Variants in ARL13B observed in about 807,000 individuals in gnomAD.
The protein encoded by ARL13B is ADP-ribosylation factor-like protein 13B.
In ARL13B, 36 loss-of-function variants were observed where a neutral mutation model predicts 56.1. The ratio of observed to expected loss-of-function variants is 0.64; its 90% CI spans 0.49 to 0.85. The LOEUF is 0.85. Ranked by LOEUF, ARL13B falls within the 40% of genes least tolerant of loss-of-function variation. The pLI is 0.00. For synonymous variants in ARL13B, 178 were observed against 171.1 expected (o/e 1.04, Z -0.32); for missense variants, 519 against 507.1 (o/e 1.02, Z -0.23).
rs2076087282 is a variant in ARL13B at position 94,003,600 on chromosome 3, A to C, written c.131-59A>C. 2.5e-6 allele frequency: 4 copies of C among 1,582,414 alleles called. No homozygotes were observed. The East Asian group carries it at 6.7e-5, about 27-fold the overall frequency. The stretch of plus-strand genomic sequence containing the variant: ...TTGGGTGCTAAAATTTTAGTTGAAA[A>C]ATTAACGTTGTCAATTAAAGTCTAA... On this transcript the variant is annotated intron_variant, in intron 2 of 9. Coordinates refer to ENST00000394222, the MANE Select transcript of ARL13B (RefSeq NM_001174150.2).
intron 2 of ARL13B, among the ~76,000 whole-genome samples, chr3:94,000,820 A>G (rs2076043375): frequency 6.6e-6 from 1 of 152,142 alleles, no homozygotes; most frequent in Admixed American, 6.6e-5. Context: ...GTCTTACCAC[A>G]TATACTCTAC....
intron 3 of ARL13B, among the ~76,000 whole-genome samples, chr3:94,029,964 T>TA (rs1199645270): frequency 6.6e-6 from 1 of 152,194 alleles, no homozygotes; most frequent in Non-Finnish European, 1.5e-5. Context: ...GAAGGGTAGA[T>TA]ATAAATATTG....
chr3:94,044,878 C>A (rs2076953822), intron 7 of ARL13B, among the ~76,000 whole-genome samples: 1 of 146,926 alleles, frequency 6.8e-6, no homozygotes, highest in East Asian at 2.1e-4. Flanking sequence ...GCCTGCCCGC[C>A]CCTCGTCGGG....
At chr3:94,013,672 A>G (rs901365776) in intron 3 of ARL13B, among the ~76,000 whole-genome samples, 2 of 152,212 alleles carry the variant, frequency 1.3e-5, no homozygotes, top group African/African-American at 2.4e-5. Context: ...AGGGCTGGGC[A>G]TGGTGGCTCA....
intron 9 of ARL13B, among the ~76,000 whole-genome samples, chr3:94,052,256 G>A (rs1234212144): frequency 6.6e-6 from 1 of 151,974 alleles, no homozygotes; most frequent in Non-Finnish European, 1.5e-5. Context: ...TATTTTGTTT[G>A]TTAAAACATT....
At chr3:94,015,172 A>G (rs1339312353) in intron 3 of ARL13B, 2 of 1,613,714 alleles carry the variant, frequency 1.2e-6, no homozygotes, top group Non-Finnish European at 1.7e-6. Context: ...CTGTAGAAAC[A>G]CCCCTTGTTC....
At chr3:94,013,017 T>C (rs1454437974) in intron 3 of ARL13B, among the ~76,000 whole-genome samples, 1 of 152,230 alleles carries the variant, frequency 6.6e-6, no homozygotes, top group East Asian at 1.9e-4. Flanking sequence ...CATCTAGCCC[T>C]TGCTGACCTT....
At chr3:94,030,289 C>T (rs1249334179) in intron 3 of ARL13B, among the ~76,000 whole-genome samples, 7 of 151,908 alleles carry the variant, frequency 4.6e-5, no homozygotes, top group African/African-American at 7.3e-5. Context: ...TGCAGTGGCG[C>T]GATCTCGGCT....
chr3:94,054,489 T>G lies in ARL13B; in HGVS notation c.*1226T>G, dbSNP rs1037954433. On this transcript the variant is annotated 3_prime_UTR_variant, in exon 10 of 10. Transcript: ENST00000394222. The stretch of plus-strand genomic sequence containing the variant: ...TGTTACATTTAATTGAAAACAAACC[T>G]TTATATCCAATGAAAATAGTATAAA... 1.1e-5 allele frequency: 4 copies of G among 365,894 alleles called. No individual in the cohort carries two copies. The highest frequency in any genetic ancestry group is 9.3e-4 in the Middle Eastern group (1 of 1,072). The allele number at this position is 365,894 out of a possible 1,614,324, so 22.7% of individuals were successfully genotyped here.
intron 3 of ARL13B, among the ~76,000 whole-genome samples, chr3:94,014,094 G>A (rs970569614): frequency 5.9e-5 from 9 of 152,164 alleles, no homozygotes; most frequent in Admixed American, 2.6e-4. Context: ...ATAATATAGA[G>A]CTTGATACCT....
At chr3:93,988,550 C>T (rs1710579336) in intron 1 of ARL13B, 2 of 313,646 alleles carry the variant, frequency 6.4e-6, no homozygotes, top group South Asian at 5.3e-5. Flanking sequence ...AAAAGACTTG[C>T]ACTTACAAAG....
chr3:94,046,854 T>TA (rs1348188641), intron 7 of ARL13B, among the ~76,000 whole-genome samples: 1 of 152,146 alleles, frequency 6.6e-6, no homozygotes, highest in Non-Finnish European at 1.5e-5. Context: ...ATCTTCAACT[T>TA]ATAATTGCTT....
At chr3:94,036,824 G>A in intron 5 of ARL13B, 70 bp downstream of exon 5, 1 of 1,496,214 alleles carries the variant, frequency 6.7e-7, no homozygotes, top group South Asian at 1.2e-5. Flanking sequence ...TGAATCAGTT[G>A]TTAGTTTTAT....
chr3:93,980,266 T>C lies in ARL13B; in HGVS notation c.-158T>C. Reference sequence around the variant, plus strand: ...CGCGGACCCACGCGGTTAGCAAGGCTTAGTGCTCGGGCCGGCCGCCTTCAC... The same window carrying C: ...CGCGGACCCACGCGGTTAGCAAGGCCTAGTGCTCGGGCCGGCCGCCTTCAC... On this transcript the variant is annotated 5_prime_UTR_variant, in exon 1 of 10. Coordinates refer to ENST00000394222, the MANE Select transcript of ARL13B (RefSeq NM_001174150.2). 1 of 915,968 alleles carries C rather than the reference T, an allele frequency of 1.1e-6. No individual in the cohort carries two copies. The highest frequency in any genetic ancestry group is 1.7e-6 in the Non-Finnish European group (1 of 576,488). 56.7% of individuals were successfully genotyped at this position (915,968 alleles called of 1,614,324 possible).
intron 7 of ARL13B, among the ~76,000 whole-genome samples, chr3:94,044,658 G>A (rs1213827040): frequency 7.0e-5 from 9 of 129,264 alleles, no homozygotes; most frequent in African/African-American, 2.7e-4. Context: ...CTGCCCCATC[G>A]GGTAGGTGAG....
intron 2 of ARL13B, 133 bp from the exon 3 acceptor site, chr3:94,003,526 T>C: frequency 9.9e-7 from 1 of 1,007,904 alleles, no homozygotes; most frequent in South Asian, 1.5e-5. Context: ...CCCAAACCAG[T>C]ATGCTTCAAA....
intron 2 of ARL13B, among the ~76,000 whole-genome samples, chr3:94,002,702 C>T (rs1421068130): frequency 6.6e-6 from 1 of 152,120 alleles, no homozygotes; most frequent in Non-Finnish European, 1.5e-5. Flanking sequence ...AGTCTAGAGA[C>T]TTTTGCAAGA....
intron 3 of ARL13B, among the ~76,000 whole-genome samples, chr3:94,021,361 AT>A (rs1340209699): frequency 6.6e-6 from 1 of 151,540 alleles, no homozygotes; most frequent in Admixed American, 6.6e-5. Flanking sequence ...TGCCCAGATA[AT>A]TTTTGTATTT....
chr3:94,054,541 A>G lies in ARL13B; in HGVS notation c.*1278A>G, dbSNP rs780073732. On this transcript the variant is annotated 3_prime_UTR_variant, in exon 10 of 10. Transcript: ENST00000394222. ...AGAATGATTTTTATACCACCTTGTT[A>G]AGATTGGTGCTTTTGGTAACTTGTA... 1.8e-5 allele frequency: 7 copies of G among 396,672 alleles called. No homozygotes were observed. Among genetic ancestry groups the G allele is most frequent in the African/African-American group, 6.3e-5 (3 of 47,530 alleles). The allele number at this position is 396,672 out of a possible 1,614,324, so 24.6% of individuals were successfully genotyped here.
Sources: gnomAD v4.1 joint callset for allele counts (sites outside exome capture counted in the v4.1 genomes callset) on GRCh38, gnomAD v4.1.1 for gene constraint, MANE v1.5 for transcripts, NCBI Gene and HGNC (gene_info 2026-07-23, HGNC 2026-07-21) for gene names.